The following CSAD variants were observed in gnomAD, a reference collection of about 807,000 sequenced individuals.
CSAD encodes the protein cysteine sulfinic acid decarboxylase.
In CSAD, 47 loss-of-function variants were observed where a neutral mutation model predicts 61.5. That is an observed-to-expected ratio of 0.76 (90% CI 0.60 to 0.97). The LOEUF (loss-of-function observed/expected upper bound fraction) is 0.97, where lower values mean the gene tolerates loss of function less well. Among genes scored for constraint, CSAD ranks in the 50% least tolerant of loss-of-function variants. The pLI is 0.00. For synonymous variants in CSAD, 245 were observed against 252.7 expected (o/e 0.97, Z 0.29); for missense variants, 611 against 643.6 (o/e 0.95, Z 0.55).
Position 53,158,509 on chromosome 12 carries a change from G to C in CSAD, c.*2C>G, listed in dbSNP as rs141777518. 1.9e-6 allele frequency: 3 copies of C among 1,611,402 alleles called. No homozygotes were observed. In the South Asian group the frequency reaches 3.3e-5, roughly 18 times the overall value. On this transcript the variant is annotated 3_prime_UTR_variant, in exon 17 of 17. Coordinates refer to ENST00000444623, the MANE Select transcript of CSAD (RefSeq NM_001244705.2). ...CAAGGCCGGCAGCAAGACAGAGAAG[G>C]CTCACAGGTCCTGGCCTAGCCGCTC...
intron 10 of CSAD, among the ~76,000 whole-genome samples, chr12:53,162,864 C>T (rs988509764): frequency 2.6e-5 from 4 of 151,966 alleles, no homozygotes; most frequent in Non-Finnish European, 5.9e-5. Flanking sequence ...GAGTTCGAGA[C>T]TAGCCTGACC....
intron 7 of CSAD, 32 bp from the exon 8 acceptor site, chr12:53,171,473 A>G: frequency 6.2e-7 from 1 of 1,608,340 alleles, no homozygotes; most frequent in Non-Finnish European, 8.5e-7. Context: ...GGCAAGAGGA[A>G]GGAGCAGTGG....
chr12:53,160,107 T>C lies in CSAD; in HGVS notation c.1166+13A>G. The C allele has an allele frequency of 6.2e-7, 1 of 1,612,124 alleles. No homozygotes were observed. Among genetic ancestry groups the C allele is most frequent in the South Asian group, 1.1e-5 (1 of 91,054 alleles). On this transcript the variant is annotated intron_variant, in intron 14 of 16. Coordinates refer to ENST00000444623, the MANE Select transcript of CSAD (RefSeq NM_001244705.2). ...AGGGGAACAGGGACGACCCCCCACC[T>C]CCTCCCGCCTACCGGGCAAGGACAA...
chr12:53,171,497 C>T lies in CSAD; in HGVS notation c.452-56G>A, dbSNP rs567770304. On this transcript the variant is annotated intron_variant, in intron 7 of 16. Transcript: ENST00000444623. Reference sequence around the variant, plus strand: ...AAGGAGCAGTGGGTCAAGACTGGAGCTTGCCTCCCTTCCCTTTCTACCAGA... The same window carrying T: ...AAGGAGCAGTGGGTCAAGACTGGAGTTTGCCTCCCTTCCCTTTCTACCAGA... 9.8e-6 allele frequency: 15 copies of T among 1,535,256 alleles called. No individual in the cohort carries two copies. The East Asian group carries it at 2.7e-4, about 28-fold the overall frequency.
intron 10 of CSAD, 30 bp from the exon 11 acceptor site, chr12:53,161,419 G>T: frequency 6.4e-7 from 1 of 1,572,272 alleles, no homozygotes; most frequent in Non-Finnish European, 8.7e-7. Context: ...GGAGAAAGAT[G>T]TAAAGTCATC....
At chr12:53,159,992 C>G (rs1373726871) in intron 14 of CSAD, 54 bp from the exon 15 acceptor site, 127 of 1,599,702 alleles carry the variant, frequency 7.9e-5, no homozygotes, top group Non-Finnish European at 1.1e-4. Context: ...GAGATCCAGA[C>G]AGAAGAGGCC....
At chr12:53,179,724 TTC>T (rs1555174537) in intron 1 of CSAD, 227 of 1,449,064 alleles carry the variant, frequency 1.6e-4, no homozygotes, top group Non-Finnish European at 2.0e-4. Context: ...AGTTTTTTTT[TTC>T]TTTTGGTATC....
intron 10 of CSAD, among the ~76,000 whole-genome samples, chr12:53,162,150 A>C (rs576107311): frequency 3.4e-4 from 52 of 152,084 alleles, no homozygotes; most frequent in Middle Eastern, 3.4e-3. Flanking sequence ...AATCCCAGCT[A>C]CTTGGGAGGC....
chr12:53,178,704 G>A (rs1353478212), intron 2 of CSAD, among the ~76,000 whole-genome samples: 1 of 152,108 alleles, frequency 6.6e-6, no homozygotes, highest in Non-Finnish European at 1.5e-5. Context: ...AGAATTGCTT[G>A]AACCTGGGAG....
At chr12:53,164,248 A>G (rs1381185953) in intron 10 of CSAD, 1 of 155,384 alleles carries the variant, frequency 6.4e-6, no homozygotes, top group Non-Finnish European at 1.5e-5. Context: ...GATAAATTGG[A>G]CTTCAAAATT....
At chr12:53,163,190 G>A (rs933757024) in intron 10 of CSAD, among the ~76,000 whole-genome samples, 4 of 152,102 alleles carry the variant, frequency 2.6e-5, no homozygotes, top group East Asian at 1.9e-4. Context: ...AACCATGATT[G>A]CACCACTGCT....
chr12:53,160,599 G>A (rs113980084), intron 13 of CSAD, among the ~76,000 whole-genome samples, 164 bp downstream of exon 13: 1 of 152,192 alleles, frequency 6.6e-6, no homozygotes, highest in Non-Finnish European at 1.5e-5. Flanking sequence ...GAGGCCACTG[G>A]GGGAGTGAAG....
At chr12:53,170,042 A>AT (rs1565664671) in intron 10 of CSAD, 30 bp downstream of exon 10, 2 of 1,601,266 alleles carry the variant, frequency 1.2e-6, no homozygotes. Flanking sequence ...GTTGGAGGCT[A>AT]TATCACCCCA....
chr12:53,179,054 T>G (rs1014574908), intron 2 of CSAD, 48 bp downstream of exon 2: 1 of 152,224 alleles, frequency 6.6e-6, no homozygotes, highest in African/African-American at 2.4e-5. Context: ...GGTTTCTCCA[T>G]GTTGGTCAGG....
intron 1 of CSAD, chr12:53,180,200 G>T (rs1042925589): frequency 1.0e-6 from 1 of 985,362 alleles, no homozygotes; most frequent in Non-Finnish European, 1.2e-6. Flanking sequence ...AAAAGTTAAC[G>T]CCTCTCCCAG....
intron 10 of CSAD, among the ~76,000 whole-genome samples, chr12:53,162,098 A>T (rs1939350906): frequency 6.6e-6 from 1 of 151,986 alleles, no homozygotes; most frequent in African/African-American, 2.4e-5. Context: ...CGTCTCTATT[A>T]AAAAATACAG....
chr12:53,172,245 G>T, intron 6 of CSAD, 101 bp downstream of exon 6: 1 of 1,104,440 alleles, frequency 9.1e-7, no homozygotes, highest in Non-Finnish European at 1.4e-6. Context: ...CCCAGAAGCA[G>T]TAGAGAGAGG....
rs777247449 is a variant in CSAD, at chr12:53,158,580, G to A, written c.1413C>T (p.Asn471=). 7.4e-6 allele frequency: 12 copies of A among 1,614,102 alleles called. No individual in the cohort carries two copies. Among genetic ancestry groups the A allele is most frequent in the Non-Finnish European group, 1.0e-5 (12 of 1,180,046 alleles). ...CCATATCAGCACAGGTCAGTGCAGA[G>A]TTGGCCACAACCACACGGAAGAAGT... The part of the protein sequence containing the change: ...RGNFFRVVVA[N]SALTCADMDF... Residue 471 remains asparagine (N), a synonymous_variant, in exon 17 of 17, where the codon AAC becomes AAT. Coordinates refer to ENST00000444623, the MANE Select transcript of CSAD (RefSeq NM_001244705.2).
At chr12:53,173,149 A>G in intron 4 of CSAD, 196 bp downstream of exon 4, 3 of 528,584 alleles carry the variant, frequency 5.7e-6, no homozygotes, top group Non-Finnish European at 1.0e-5. Flanking sequence ...CGGAGGTTGC[A>G]GTGAGCCAAG....
Sources: gnomAD v4.1 joint callset for allele counts (sites outside exome capture counted in the v4.1 genomes callset) on GRCh38, gnomAD v4.1.1 for gene constraint, MANE v1.5 for transcripts, NCBI Gene and HGNC (gene_info 2026-07-23, HGNC 2026-07-21) for gene names.